The following DTX4 variants were observed in gnomAD, a reference collection of about 807,000 sequenced individuals.
DTX4 encodes deltex E3 ubiquitin ligase 4, also known as E3 ubiquitin-protein ligase DTX4.
In DTX4, 28 loss-of-function variants were observed where a neutral mutation model predicts 57.6. The ratio of observed to expected loss-of-function variants is 0.49; its 90% CI spans 0.36 to 0.67. The LOEUF (loss-of-function observed/expected upper bound fraction) is 0.67. DTX4 is among the 30% of genes least tolerant of loss of function. The pLI is 0.00. For synonymous variants in DTX4, 316 were observed against 331.0 expected (o/e 0.95, Z 0.49); for missense variants, 715 against 836.8 (o/e 0.85, Z 1.80).
chr11:59,172,638 G>T lies in DTX4; in HGVS notation c.43G>T (p.Glu15Ter), dbSNP rs780510886. ...CGTGGTGGTCTGGGAATGGCTGAACGAGCACGGCCGCTGGCGTCCCTACAG... is the reference window on the plus strand; with the variant it reads ...CGTGGTGGTCTGGGAATGGCTGAACTAGCACGGCCGCTGGCGTCCCTACAG... The part of the protein sequence containing the change: ...SAVVVWEWLN[E>*]HGRWRPYSPA... The change falls in exon 1 of 9, where the codon GAG becomes TAG. Residue 15 changes from glutamate to a stop codon, truncating the protein, a stop_gained. Coordinates refer to ENST00000227451, the MANE Select transcript of DTX4 (RefSeq NM_015177.2). LOFTEE classifies it high-confidence loss of function. The T allele has an allele frequency of 6.3e-7, 1 of 1,589,442 alleles. No homozygotes were observed. The highest frequency in any genetic ancestry group is 8.5e-7 in the Non-Finnish European group (1 of 1,173,844).
chr11:59,185,321 CAG>C (rs1158216024), intron 2 of DTX4: 2 of 152,162 alleles, frequency 1.3e-5, no homozygotes, highest in African/African-American at 4.8e-5. Context: ...ATGGTGACTG[CAG>C]AGATATACTC....
In DTX4 at chr11:59,199,081, A is replaced by G. The variant is rs1261826982; in HGVS notation, c.1537-603A>G. 2.0e-5 allele frequency among the ~76,000 whole-genome samples: 3 copies of G among 152,226 alleles called. No homozygotes were observed. The East Asian group carries it at 5.8e-4, about 29-fold the overall frequency. ...ATCCCAATTCCTATTGTTAAAGAAG[A>G]AAACAAACAAAAACCCATGAGGACA... On this transcript the variant is annotated intron_variant, in intron 7 of 8. Coordinates refer to ENST00000227451, the MANE Select transcript of DTX4 (RefSeq NM_015177.2).
intron 6 of DTX4, chr11:59,194,832 ATGCTCAGGAACTGGGCAGTTGC>A (rs1277749639): frequency 1.9e-5 from 5 of 258,038 alleles, no homozygotes; most frequent in Admixed American, 5.7e-5. Context: ...GGTGATTCTG[ATGCTCAGGAACTGGGCAGTTGC>A]TGCTCTCCAG....
chr11:59,204,704 A>T lies in DTX4; in HGVS notation c.1655A>T (p.Asp552Val). ...CTGAAGCTGCTGCTCGTGGCCTGGG[A>T]TCGCCGCCTCATTTTTGCCATTGGC... ...KVLKLLLVAW[D>V]RRLIFAIGTS... Residue 552 changes from aspartate to valine, a missense_variant, in exon 9 of 9, where the codon GAT becomes GTT. Asp to Val is a radical substitution (Grantham distance 152). Coordinates refer to ENST00000227451, the MANE Select transcript of DTX4 (RefSeq NM_015177.2). 6.2e-7 allele frequency: 1 copy of T among 1,613,446 alleles called. No homozygotes were observed. The highest frequency in any genetic ancestry group is 8.5e-7 in the Non-Finnish European group (1 of 1,179,690).
chr11:59,179,761 C>A (rs894533705), intron 1 of DTX4, among the ~76,000 whole-genome samples: 1 of 152,244 alleles, frequency 6.6e-6, no homozygotes, highest in African/African-American at 2.4e-5. Flanking sequence ...CCATCTCCTG[C>A]AGCAGGTTGT....
At chr11:59,180,595 A>G (rs1226756142) in intron 1 of DTX4, among the ~76,000 whole-genome samples, 1 of 152,184 alleles carries the variant, frequency 6.6e-6, no homozygotes, top group East Asian at 1.9e-4. Context: ...TTAAGCTGAC[A>G]GATGCAGAGA....
In DTX4 at chr11:59,189,148, C is replaced by G; in HGVS notation, c.998-14C>G. The G allele has an allele frequency of 6.2e-7, 1 of 1,612,692 alleles. No homozygotes were observed. Among genetic ancestry groups the G allele is most frequent in the Non-Finnish European group, 8.5e-7 (1 of 1,179,746 alleles). ...GTCTCCAGTCTTTCCTCACCCATGCCCTGCCCCTTCCAGGAATCACTGGGA... is the reference window on the plus strand; with the variant it reads ...GTCTCCAGTCTTTCCTCACCCATGCGCTGCCCCTTCCAGGAATCACTGGGA... On this transcript the variant is annotated splice_polypyrimidine_tract_variant and intron_variant, in intron 3 of 8. Coordinates refer to ENST00000227451, the MANE Select transcript of DTX4 (RefSeq NM_015177.2).
At chr11:59,190,503 A>G (rs1862582593) in intron 4 of DTX4, among the ~76,000 whole-genome samples, 2 of 152,102 alleles carry the variant, frequency 1.3e-5, no homozygotes, top group South Asian at 2.1e-4. Flanking sequence ...AGGTTGGGCT[A>G]CCTTTTAAGA....
intron 1 of DTX4, among the ~76,000 whole-genome samples, chr11:59,178,253 G>A (rs1310728510): frequency 6.6e-6 from 1 of 151,966 alleles, no homozygotes; most frequent in Non-Finnish European, 1.5e-5. Flanking sequence ...GCTATGAGGG[G>A]GCCATGTATG....
At chr11:59,189,409 C>A (rs1030282544) in intron 4 of DTX4, 86 bp downstream of exon 4, 2 of 1,346,234 alleles carry the variant, frequency 1.5e-6, no homozygotes, top group Admixed American at 2.7e-5. Flanking sequence ...AGGGTCATAG[C>A]CACGGCTTCA....
Position 59,181,982 on chromosome 11 carries a change from G to A in DTX4, c.455G>A (p.Arg152His), listed in dbSNP as rs780181571. Reference protein sequence around the residue: ...QINRQTQRQRRVRRRLDLIYP... With the variant: ...QINRQTQRQRHVRRRLDLIYP... Reference sequence around the variant, plus strand: ...AACCGTCAGACCCAGCGCCAACGCCGCGTCCGCCGGCGCCTCGACCTCATC... The same window carrying A: ...AACCGTCAGACCCAGCGCCAACGCCACGTCCGCCGGCGCCTCGACCTCATC... Residue 152 changes from arginine (R) to histidine (H), a missense_variant, in exon 2 of 9, where the codon CGC becomes CAC. Coordinates refer to ENST00000227451, the MANE Select transcript of DTX4 (RefSeq NM_015177.2). 13 of 1,613,776 alleles carry A rather than the reference G, an allele frequency of 8.1e-6. No homozygotes were observed. Among genetic ancestry groups the A allele is most frequent in the Admixed American group, 1.7e-5 (1 of 60,002 alleles).
chr11:59,182,989 C>A, intron 2 of DTX4, among the ~76,000 whole-genome samples: 1 of 152,296 alleles, frequency 6.6e-6, no homozygotes, highest in East Asian at 1.9e-4. Flanking sequence ...ATTGAACTCC[C>A]ACTATATTGT....
intron 8 of DTX4, 137 bp from the exon 9 acceptor site, chr11:59,204,539 T>C: frequency 1.3e-6 from 1 of 788,432 alleles, no homozygotes; most frequent in Non-Finnish European, 2.0e-6. Context: ...TCCAAATCTC[T>C]TTCTTTCCCC....
In DTX4 at chr11:59,189,224, C is replaced by G; in HGVS notation, c.1060C>G (p.Leu354Val). Reference protein sequence around the residue: ...LPVCLTRPPKLVLHPPPVSKS... With the variant: ...LPVCLTRPPKVVLHPPPVSKS... ...TGTGTGTCTCACCAGGCCACCAAAGCTGGTCCTACACCCACCCCCCGTCAG... is the reference window on the plus strand; with the variant it reads ...TGTGTGTCTCACCAGGCCACCAAAGGTGGTCCTACACCCACCCCCCGTCAG... Residue 354 changes from leucine (L) to valine (V), a missense_variant, in exon 4 of 9, where the codon CTG (leucine) becomes GTG (valine). Physicochemically the swap from Leu to Val is conservative, Grantham distance 32. Transcript: ENST00000227451. 6.2e-7 allele frequency: 1 copy of G among 1,613,566 alleles called. No homozygotes were observed. The highest frequency in any genetic ancestry group is 8.5e-7 in the Non-Finnish European group (1 of 1,179,756).
chr11:59,198,677 G>A (rs1475961188), intron 7 of DTX4, among the ~76,000 whole-genome samples: 1 of 152,142 alleles, frequency 6.6e-6, no homozygotes, highest in Non-Finnish European at 1.5e-5. Context: ...CATTTATTCA[G>A]GCAGGATGTA....
intron 2 of DTX4, among the ~76,000 whole-genome samples, chr11:59,183,971 G>A (rs894708943): frequency 6.6e-6 from 1 of 152,258 alleles, no homozygotes; most frequent in African/African-American, 2.4e-5. Context: ...TTATGCAATA[G>A]GGGTTGGAAC....
chr11:59,206,888 A>C lies in DTX4; in HGVS notation c.*1979A>C, dbSNP rs1392782426. On this transcript the variant is annotated 3_prime_UTR_variant, in exon 9 of 9. Coordinates refer to ENST00000227451, the MANE Select transcript of DTX4 (RefSeq NM_015177.2). Reference sequence around the variant, plus strand: ...TCTCCTGTCGGCAGGCAGCCATTGTATCTCACCAGCAGACCAGGAGACTGG... The same window carrying C: ...TCTCCTGTCGGCAGGCAGCCATTGTCTCTCACCAGCAGACCAGGAGACTGG... 2.0e-5 allele frequency: 3 copies of C among 152,634 alleles called. No individual in the cohort carries two copies. The highest frequency in any genetic ancestry group is 7.2e-5 in the African/African-American group (3 of 41,434). 9.5% of individuals were successfully genotyped at this position (152,634 alleles called of 1,614,324 possible). A position where few individuals can be genotyped will look rare whatever the true frequency, so the allele number is the denominator to read the frequency against.
At chr11:59,187,908 C>G (rs1862547501) in intron 2 of DTX4, among the ~76,000 whole-genome samples, 1 of 152,238 alleles carries the variant, frequency 6.6e-6, no homozygotes, top group Non-Finnish European at 1.5e-5. Context: ...GACAGCTGTT[C>G]TAGCAGTGGT....
rs1373766309 is a variant in DTX4, at chr11:59,181,400, T to C, written c.212-339T>C. On this transcript the variant is annotated intron_variant, in intron 1 of 8. Coordinates refer to ENST00000227451, the MANE Select transcript of DTX4 (RefSeq NM_015177.2). ...TGTTTCCCAGGAGGGAAAGGGAGGC[T>C]GAGAGGTTCTATATTAGCTAGTAAA... Among the ~76,000 whole-genome samples the C allele has an allele frequency of 3.9e-5, 6 of 152,174 alleles. No individual in the cohort carries two copies. The South Asian group carries it at 1.2e-3, about 31-fold the overall frequency.
Sources: gnomAD v4.1 joint callset for allele counts (sites outside exome capture counted in the v4.1 genomes callset) on GRCh38, gnomAD v4.1.1 for gene constraint, MANE v1.5 for transcripts, NCBI Gene and HGNC (gene_info 2026-07-23, HGNC 2026-07-21) for gene names.